CDH23: variants seen among roughly 807,000 people sequenced by gnomAD.
CDH23 encodes the protein cadherin-23.
Under a neutral mutation model 317.1 loss-of-function variants are expected in CDH23, and 189 were observed. The observed-to-expected ratio is 0.60, with a 90% CI of 0.53 to 0.67. CDH23 has a LOEUF of 0.67. CDH23 is among the 30% of genes least tolerant of loss of function. CDH23 has a pLI of 0.00. For synonymous variants in CDH23, 1,839 were observed against 1,876.8 expected (o/e 0.98, Z 0.52); for missense variants, 4,401 against 4,592.4 (o/e 0.96, Z 1.20).
intron 11 of CDH23, among the ~76,000 whole-genome samples, chr10:71,640,831 G>A (rs1816033459): frequency 6.6e-6 from 1 of 152,368 alleles, no homozygotes; most frequent in Admixed American, 6.5e-5. Context: ...AGATCTGGGC[G>A]TGGCCCCCAA....
At chr10:71,510,057 C>T (rs1564623264) in intron 3 of CDH23, 25 bp from the exon 4 acceptor site, 12 of 1,613,982 alleles carry the variant, frequency 7.4e-6, no homozygotes, top group Non-Finnish European at 1.0e-5. Context: ...TATTTTCCCT[C>T]TGCTCTCTCC....
At chr10:71,411,714 T>TA (rs1021875126) in intron 1 of CDH23, among the ~76,000 whole-genome samples, 2 of 152,242 alleles carry the variant, frequency 1.3e-5, no homozygotes, top group African/African-American at 4.8e-5. Context: ...ATTTTATCAT[T>TA]AAGTGTGATG....
intron 1 of CDH23, among the ~76,000 whole-genome samples, chr10:71,403,383 CTT>C (rs1201553333): frequency 6.1e-5 from 7 of 115,046 alleles, no homozygotes; most frequent in African/African-American, 8.8e-5. Flanking sequence ...TTCTTTCTTT[CTT>C]TCTTTCTTTC....
intron 6 of CDH23, among the ~76,000 whole-genome samples, chr10:71,536,033 T>G (rs2132274284): frequency 6.6e-6 from 1 of 152,310 alleles, no homozygotes; most frequent in Admixed American, 6.5e-5. Context: ...CTGCATGGGC[T>G]GGGGGTCAGA....
intron 9 of CDH23, among the ~76,000 whole-genome samples, chr10:71,580,517 C>T (rs1858547498): frequency 6.6e-6 from 1 of 152,162 alleles, no homozygotes; most frequent in Non-Finnish European, 1.5e-5. Context: ...TCTCACATGC[C>T]AGCTTTGATT....
chr10:71,703,286 C>G (rs530592780), intron 24 of CDH23, among the ~76,000 whole-genome samples: 1 of 152,200 alleles, frequency 6.6e-6, no homozygotes, highest in Non-Finnish European at 1.5e-5. Flanking sequence ...CACCTCTGCC[C>G]TCCGGGGGCC....
chr10:71,496,825 G>GATGGCAGCC (rs1853002795), intron 3 of CDH23, among the ~76,000 whole-genome samples: 1 of 56,802 alleles, frequency 1.8e-5, no homozygotes, highest in Admixed American at 1.4e-4. Context: ...ATGTGGTCTG[G>GATGGCAGCC]TGTACAGATG....
chr10:71,711,083 C>T (rs1320984665), intron 27 of CDH23, among the ~76,000 whole-genome samples: 1 of 152,152 alleles, frequency 6.6e-6, no homozygotes, highest in Admixed American at 6.5e-5. Context: ...CTTCCCAGCC[C>T]GCCCATGCCC....
At chr10:71,681,654 A>G (rs1437129958) in intron 17 of CDH23, among the ~76,000 whole-genome samples, 2 of 152,186 alleles carry the variant, frequency 1.3e-5, no homozygotes, top group East Asian at 3.9e-4. Flanking sequence ...GAAGAGAGAG[A>G]CGCCAGGGGC....
chr10:71,448,885 G>A (rs1850298872), intron 3 of CDH23, among the ~76,000 whole-genome samples: 1 of 152,184 alleles, frequency 6.6e-6, no homozygotes, highest in East Asian at 1.9e-4. Flanking sequence ...CCACCAGCAG[G>A]CCAGGGAGAG....
intron 14 of CDH23, among the ~76,000 whole-genome samples, chr10:71,668,845 G>A (rs554712548): frequency 1.1e-4 from 16 of 152,218 alleles, no homozygotes; most frequent in East Asian, 5.8e-4. Context: ...TTTCACCCCC[G>A]TATGTATTTA....
At position 71,809,823 on chromosome 10, in the gene CDH23, G is replaced by T; in HGVS notation, c.8726G>T (p.Ser2909Ile). ...CCCGCCTTTGGGCTTCCTGCAGGGA[G>T]CATGGACGGCATTCTGCGCACCTTC... ...EDVGQVFTMG[S>I]MDGILRTFDL... The change falls in exon 61 of 70, where the codon AGC (serine) becomes ATC (isoleucine). Residue 2909 changes from serine (S) to isoleucine (I), a missense_variant. By Grantham distance (142) the Ser-to-Ile change is moderately radical (BLOSUM62 -2). Coordinates refer to ENST00000224721, the MANE Select transcript of CDH23 (RefSeq NM_022124.6). The T allele has an allele frequency of 6.2e-7, 1 of 1,611,786 alleles. No homozygotes were observed. The highest frequency in any genetic ancestry group is 1.1e-5 in the South Asian group (1 of 91,070).
chr10:71,447,598 T>C (rs990614351), intron 3 of CDH23, among the ~76,000 whole-genome samples: 1 of 152,226 alleles, frequency 6.6e-6, no homozygotes, highest in Non-Finnish European at 1.5e-5. Context: ...CCTTTGGTGA[T>C]AGATCAGTGT....
chr10:71,651,262 G>T (rs1449421380), intron 14 of CDH23, among the ~76,000 whole-genome samples: 1 of 151,740 alleles, frequency 6.6e-6, no homozygotes, highest in East Asian at 1.9e-4. Context: ...GGGAGCAGTG[G>T]CTCATGCCTG....
At chr10:71,797,758 G>T (rs773838108) in intron 49 of CDH23, among the ~76,000 whole-genome samples, 1 of 152,218 alleles carries the variant, frequency 6.6e-6, no homozygotes, top group African/African-American at 2.4e-5. Context: ...CATCCTGCCT[G>T]CAGCCTGAGG....
chr10:71,605,144 A>G (rs1860455159), intron 9 of CDH23, among the ~76,000 whole-genome samples: 1 of 152,180 alleles, frequency 6.6e-6, no homozygotes, highest in South Asian at 2.1e-4. Context: ...AAAGTGTGCA[A>G]TTCCGCGGCA....
chr10:71,755,083 G>A (rs965573061), intron 38 of CDH23: 10 of 596,134 alleles, frequency 1.7e-5, no homozygotes, highest in Non-Finnish European at 2.8e-5. Flanking sequence ...TTGAGCTACT[G>A]CATATGATCA....
intron 18 of CDH23, among the ~76,000 whole-genome samples, chr10:71,683,932 T>C (rs1025644330): frequency 2.0e-5 from 3 of 151,746 alleles, no homozygotes; most frequent in African/African-American, 7.3e-5. Flanking sequence ...AATACAAAAA[T>C]TAGCCAGGCA....
chr10:71,752,980 C>T (rs759212463), intron 38 of CDH23: 2 of 1,613,034 alleles, frequency 1.2e-6, no homozygotes, highest in South Asian at 1.1e-5. Context: ...CTTACCTGTC[C>T]ATCCGCACCA....
Sources: gnomAD v4.1 joint callset for allele counts (sites outside exome capture counted in the v4.1 genomes callset) on GRCh38, gnomAD v4.1.1 for gene constraint, MANE v1.5 for transcripts, NCBI Gene and HGNC (gene_info 2026-07-23, HGNC 2026-07-21) for gene names.